The following BRD10 variants were observed in gnomAD, a reference collection of about 807,000 sequenced individuals.
The protein encoded by BRD10 is uncharacterized bromodomain-containing protein 10.
At chr9:6,003,550 T>C in the BRD10 span, among the ~76,000 whole-genome samples, 2 of 152,128 alleles carry the variant, frequency 1.3e-5, no homozygotes, top group Non-Finnish European at 2.9e-5. Context: ...ACAGAGAAAA[T>C]TGTATCTATA....
chr9:5,903,969 T>C, the BRD10 span, among the ~76,000 whole-genome samples: 2 of 152,150 alleles, frequency 1.3e-5, no homozygotes, highest in Non-Finnish European at 2.9e-5. Flanking sequence ...GTGATTCTCC[T>C]GCCTCAGCCT....
At chr9:5,906,700 G>A in the BRD10 span, among the ~76,000 whole-genome samples, 5 of 152,338 alleles carry the variant, frequency 3.3e-5, no homozygotes, top group South Asian at 1.0e-3. Context: ...GAGGTAGGTA[G>A]GTATTATATT....
At chr9:5,966,455 C>CTTTTTTTTTTTT in the BRD10 span, among the ~76,000 whole-genome samples, 3 of 83,748 alleles carry the variant, frequency 3.6e-5, no homozygotes, top group Non-Finnish European at 6.4e-5. Flanking sequence ...CTAACATTTC[C>CTTTTTTTTTTTT]TTTTTTTTTT....
the BRD10 span, among the ~76,000 whole-genome samples, chr9:5,964,538 C>G: frequency 4.6e-5 from 6 of 130,414 alleles, no homozygotes; most frequent in Non-Finnish European, 8.1e-5. Flanking sequence ...CCATTTGACC[C>G]AGCCATCCCA....
At chr9:5,999,815 C>G in the BRD10 span, among the ~76,000 whole-genome samples, 1 of 152,124 alleles carries the variant, frequency 6.6e-6, no homozygotes, top group African/African-American at 2.4e-5. Flanking sequence ...CTTTGAATCT[C>G]CCTATAGTGC....
chr9:5,904,810 G>A, the BRD10 span, among the ~76,000 whole-genome samples: 20 of 146,592 alleles, frequency 1.4e-4, no homozygotes, highest in African/African-American at 5.1e-4. Context: ...GTCTCACTCC[G>A]TTGCCCAGGC....
At chr9:5,975,589 C>T in the BRD10 span, among the ~76,000 whole-genome samples, 1 of 151,130 alleles carries the variant, frequency 6.6e-6, no homozygotes, top group Non-Finnish European at 1.5e-5. Context: ...ATAAAAACTA[C>T]AATGTCTGAG....
chr9:6,007,702 T>G, the BRD10 span: 1 of 1,608,718 alleles, frequency 6.2e-7, no homozygotes, highest in Non-Finnish European at 8.5e-7. Context: ...CACCTCCTCC[T>G]CGTCGTCCTC....
chr9:5,915,517 T>C, the BRD10 span, among the ~76,000 whole-genome samples: 2 of 152,300 alleles, frequency 1.3e-5, no homozygotes, highest in East Asian at 3.9e-4. Context: ...GCTCAACCTA[T>C]TTTTATAATC....
chr9:5,975,935 G>A, the BRD10 span, among the ~76,000 whole-genome samples: 1 of 152,142 alleles, frequency 6.6e-6, no homozygotes, highest in Non-Finnish European at 1.5e-5. Context: ...ACAAAATTAA[G>A]AAGAGGAACA....
the BRD10 span, chr9:5,933,914 T>C: frequency 1.5e-5 from 7 of 460,970 alleles, no homozygotes; most frequent in African/African-American, 1.4e-4. Flanking sequence ...CATAAATAAA[T>C]TCTATATTAA....
the BRD10 span, chr9:5,988,481 T>C: frequency 6.2e-7 from 1 of 1,613,952 alleles, no homozygotes; most frequent in East Asian, 2.2e-5. Flanking sequence ...GCAGTTCCCT[T>C]CTCATCCTCC....
the BRD10 span, among the ~76,000 whole-genome samples, chr9:5,961,831 C>T: frequency 0.01 from 1,591 of 152,264 alleles, 32 homozygotes; most frequent in African/African-American, 0.037. Flanking sequence ...TCAAACTGTG[C>T]TAAAATTATC....
chr9:5,968,604 A>G, the BRD10 span: 1 of 1,613,902 alleles, frequency 6.2e-7, no homozygotes, highest in Admixed American at 1.7e-5. Flanking sequence ...GCTGGATCAA[A>G]ATTATTTTCC....
At chr9:5,977,477 T>C in the BRD10 span, among the ~76,000 whole-genome samples, 1 of 152,134 alleles carries the variant, frequency 6.6e-6, no homozygotes, top group Non-Finnish European at 1.5e-5. Flanking sequence ...TGAAGATCTC[T>C]AGAGTTAATA....
At chr9:5,970,163 T>G in the BRD10 span, among the ~76,000 whole-genome samples, 1 of 152,178 alleles carries the variant, frequency 6.6e-6, no homozygotes, top group Non-Finnish European at 1.5e-5. Flanking sequence ...AGCAAAAAGT[T>G]ATGTACTTAC....
At chr9:5,949,956 G>C in the BRD10 span, among the ~76,000 whole-genome samples, 2 of 152,152 alleles carry the variant, frequency 1.3e-5, no homozygotes, top group Non-Finnish European at 2.9e-5. Context: ...AAAGTCGTAA[G>C]TAAATGTTAA....
chr9:5,893,924 C>T, the BRD10 span, among the ~76,000 whole-genome samples: 4 of 132,556 alleles, frequency 3.0e-5, no homozygotes, highest in Non-Finnish European at 4.7e-5. Flanking sequence ...CGCCCCGTGG[C>T]ACCCACCCTG....
chr9:5,928,545 G>A, the BRD10 span, among the ~76,000 whole-genome samples: 1 of 151,980 alleles, frequency 6.6e-6, no homozygotes, highest in South Asian at 2.1e-4. Flanking sequence ...CTCTGCTCTG[G>A]TTACACTTGC....
Sources: allele counts gnomAD v4.1 joint callset (sites outside exome capture counted in the v4.1 genomes callset), GRCh38; gene constraint gnomAD v4.1.1; transcripts MANE v1.5; gene names NCBI Gene and HGNC (gene_info 2026-07-23, HGNC 2026-07-21).